NCAPG2: variants seen among roughly 807,000 people sequenced by gnomAD.
NCAPG2 encodes the protein condensin-2 complex subunit G2.
A neutral mutation model predicts 141.1 loss-of-function variants in NCAPG2; 53 were observed. The observed-to-expected ratio is 0.38, with a 90% CI of 0.30 to 0.47. The LOEUF (loss-of-function observed/expected upper bound fraction) is 0.47, where lower values mean the gene tolerates loss of function less well. Ranked by LOEUF, NCAPG2 falls within the 20% of genes least tolerant of loss-of-function variation. The probability of loss-of-function intolerance (pLI) is 0.99; values close to 1 mark genes in which losing one functional copy is unlikely to be tolerated. For missense variants in NCAPG2, 1,087 were observed against 1,389.0 expected (o/e 0.78, Z 3.46); for synonymous variants, 499 against 490.7 (o/e 1.02, Z -0.22).
chr7:158,664,709 C>T lies in NCAPG2; in HGVS notation c.1521G>A (p.Leu507=). 1.2e-6 allele frequency: 2 copies of T among 1,614,110 alleles called. No homozygotes were observed. The highest frequency in any genetic ancestry group is 1.7e-6 in the Non-Finnish European group (2 of 1,180,014). ...ICPMEHILVR[L]ETDSRPVSRR... The stretch of plus-strand genomic sequence containing the variant: ...GAGACACAGGTCGAGAATCAGTTTC[C>T]AGACGAACCAGAATGTGCTCCATGG... The change falls in exon 14 of 28, where the codon CTG becomes CTA. Residue 507 remains leucine, a synonymous_variant. Coordinates refer to ENST00000356309, the MANE Select transcript of NCAPG2 (RefSeq NM_017760.7).
At position 158,703,573 on chromosome 7, in the gene NCAPG2, T is replaced by C. The variant is rs140866552; in HGVS notation, c.-40+1151A>G. On this transcript the variant is annotated intron_variant, in intron 1 of 27. Coordinates refer to ENST00000356309, the MANE Select transcript of NCAPG2 (RefSeq NM_017760.7). Reference sequence around the variant, plus strand: ...TATCTCCCAAAGTGGCAATATTCCATGTTTCTTGTACCATATGTGCATAAG... The same window carrying C: ...TATCTCCCAAAGTGGCAATATTCCACGTTTCTTGTACCATATGTGCATAAG... 8 of 152,334 alleles carry C rather than the reference T, an allele frequency of 5.3e-5. 1 individual carries two copies. Among genetic ancestry groups the C allele is most frequent in the African/African-American group, 1.9e-4 (8 of 41,564 alleles). The allele number at this position is 152,334 out of a possible 1,614,324, so 9.4% of individuals were successfully genotyped here.
chr7:158,664,351 AC>A, intron 14 of NCAPG2, 55 bp from the exon 15 acceptor site: 1 of 1,545,704 alleles, frequency 6.5e-7, no homozygotes, highest in South Asian at 1.1e-5. Flanking sequence ...TACAAAATTA[AC>A]TATCTGATAG....
intron 24 of NCAPG2, among the ~76,000 whole-genome samples, chr7:158,649,332 T>C (rs1587097057): frequency 1.3e-5 from 2 of 152,190 alleles, no homozygotes; most frequent in East Asian, 1.9e-4. Context: ...AGTAACAAAA[T>C]AGTAAATATT....
chr7:158,700,052 A>T (rs6944069), intron 2 of NCAPG2, among the ~76,000 whole-genome samples: 4,095 of 152,230 alleles, frequency 0.027, 164 homozygotes, highest in African/African-American at 0.089. Flanking sequence ...GATAGGCCCC[A>T]AACTGATTTA....
intron 6 of NCAPG2, among the ~76,000 whole-genome samples, chr7:158,689,101 G>A (rs926599236): frequency 2.6e-5 from 4 of 152,124 alleles, no homozygotes; most frequent in Non-Finnish European, 5.9e-5. Context: ...GAAGAACTAT[G>A]CGAGCCTCTC....
chr7:158,652,821 T>G (rs143496264), intron 22 of NCAPG2, among the ~76,000 whole-genome samples: 136 of 152,330 alleles, frequency 8.9e-4, no homozygotes, highest in Non-Finnish European at 1.7e-3. Flanking sequence ...TAGAGAACAG[T>G]GTTGTTGGTT....
chr7:158,646,680 T>C (rs1831042220), intron 24 of NCAPG2, 117 bp from the exon 25 acceptor site: 1 of 636,096 alleles, frequency 1.6e-6, no homozygotes, highest in Non-Finnish European at 2.7e-6. Flanking sequence ...TTCAAAAGAA[T>C]TATTTTTATT....
At chr7:158,662,494 A>G in intron 15 of NCAPG2, 127 bp from the exon 16 acceptor site, 4 of 782,300 alleles carry the variant, frequency 5.1e-6, no homozygotes, top group Non-Finnish European at 7.5e-6. Context: ...CACGTCTTCT[A>G]CTCTCCACTT....
chr7:158,656,109 C>T (rs1831952728), intron 19 of NCAPG2, 151 bp downstream of exon 19: 9 of 1,054,364 alleles, frequency 8.5e-6, no homozygotes, highest in Non-Finnish European at 1.2e-5. Flanking sequence ...AGGCTCCATG[C>T]CTTGTACCAA....
At chr7:158,690,488 T>G (rs1587286542) in intron 5 of NCAPG2, 80 bp downstream of exon 5, 11 of 1,394,558 alleles carry the variant, frequency 7.9e-6, no homozygotes, top group Non-Finnish European at 1.1e-5. Flanking sequence ...GAGGCTGCAG[T>G]GAGCTATGAT....
Position 158,693,447 on chromosome 7 carries a change from T to C in NCAPG2, c.129A>G (p.Ser43=). The change falls in exon 3 of 28, where the codon TCA becomes TCG. Residue 43 remains serine (S), a synonymous_variant. Coordinates refer to ENST00000356309, the MANE Select transcript of NCAPG2 (RefSeq NM_017760.7). The part of the protein sequence containing the change: ...FSLNELLDEL[S]RKQKEELWQR... ...GCCATAATTCTTCTTTCTGTTTCCT[T>C]GATAATTCATCTAGTAATTCATTTA... 1.2e-6 allele frequency: 2 copies of C among 1,614,034 alleles called. No individual in the cohort carries two copies. Among genetic ancestry groups the C allele is most frequent in the Non-Finnish European group, 1.7e-6 (2 of 1,179,902 alleles).
chr7:158,677,934 C>T (rs1454997840), intron 11 of NCAPG2, among the ~76,000 whole-genome samples: 1 of 152,050 alleles, frequency 6.6e-6, no homozygotes, highest in Non-Finnish European at 1.5e-5. Flanking sequence ...CCTCAGCCTC[C>T]CTAGTAGCTG....
chr7:158,674,389 C>T (rs1833929454), intron 12 of NCAPG2, among the ~76,000 whole-genome samples: 1 of 152,088 alleles, frequency 6.6e-6, no homozygotes, highest in African/African-American at 2.4e-5. Context: ...CACGCTCAAG[C>T]CATCCTCCCA....
At chr7:158,648,519 T>TAACCACACCAAATGGACGAC in intron 24 of NCAPG2, among the ~76,000 whole-genome samples, 1 of 105,398 alleles carries the variant, frequency 9.5e-6, no homozygotes, top group South Asian at 3.0e-4. Context: ...GAATGGACTA[T>TAACCACACCAAATGGACGAC]AACCACGCCA....
chr7:158,664,558 C>T lies in NCAPG2; in HGVS notation c.1672G>A (p.Ala558Thr). ...TTGGTGCAGGCGGTGTGTTCGTGGG[C>T]GTACTGATAGAACCTCCTGGCAGCG... ...HAAARRFYQY[A>T]HEHTACTNIA... The change falls in exon 14 of 28, where the codon GCC becomes ACC. Residue 558 changes from alanine to threonine, a missense_variant. Coordinates refer to ENST00000356309, the MANE Select transcript of NCAPG2 (RefSeq NM_017760.7). 1.9e-6 allele frequency: 3 copies of T among 1,614,094 alleles called. No individual in the cohort carries two copies. Among genetic ancestry groups the T allele is most frequent in the South Asian group, 1.1e-5 (1 of 91,082 alleles).
At chr7:158,668,225 TACTGGGTCCCTCTGCCCTC>T (rs1833358600) in intron 13 of NCAPG2, 1 of 157,994 alleles carries the variant, frequency 6.3e-6, no homozygotes, top group African/African-American at 2.0e-4. Context: ...CCTTACCCAC[TACTGGGTCCCTCTGCCCTC>T]CTTACCCACT....
intron 27 of NCAPG2, among the ~76,000 whole-genome samples, chr7:158,643,650 AG>A (rs1362629641): frequency 2.6e-5 from 4 of 152,236 alleles, no homozygotes; most frequent in Admixed American, 6.5e-5. Flanking sequence ...TCCCTGGCAA[AG>A]GTGAATTTCC....
chr7:158,663,472 G>C (rs1832690757), intron 15 of NCAPG2, among the ~76,000 whole-genome samples: 1 of 152,226 alleles, frequency 6.6e-6, no homozygotes, highest in South Asian at 2.1e-4. Flanking sequence ...CGGTGTGGTG[G>C]GAGATGGAGG....
Position 158,664,171 on chromosome 7 carries a change from C to T in NCAPG2, c.1815+13G>A, listed in dbSNP as rs754066988. ...GAGGCACTATCTGCCCGGCCTGGCC[C>T]TGTTCTACTCACAGTCACATTCTCC... On this transcript the variant is annotated intron_variant, in intron 15 of 27. Coordinates refer to ENST00000356309, the MANE Select transcript of NCAPG2 (RefSeq NM_017760.7). The T allele has an allele frequency of 6.3e-7, 1 of 1,580,058 alleles. No homozygotes were observed. Among genetic ancestry groups the T allele is most frequent in the South Asian group, 1.1e-5 (1 of 90,346 alleles).
Sources: allele counts gnomAD v4.1 joint callset (sites outside exome capture counted in the v4.1 genomes callset), GRCh38; gene constraint gnomAD v4.1.1; transcripts MANE v1.5; gene names NCBI Gene and HGNC (gene_info 2026-07-23, HGNC 2026-07-21).